The following SLC39A11 variants were observed in gnomAD, a reference collection of about 807,000 sequenced individuals.
The protein encoded by SLC39A11 is zinc transporter ZIP11.
SLC39A11 carries 33 observed loss-of-function variants against 36.1 expected under a neutral mutation model. The observed-to-expected ratio is 0.91, with a 90% CI of 0.69 to 1.22. SLC39A11 has a LOEUF of 1.22. Ranked by LOEUF, SLC39A11 falls within the 50% of genes most tolerant of loss-of-function variation. The probability of loss-of-function intolerance (pLI) is 0.00; values close to 1 mark genes in which losing one functional copy is unlikely to be tolerated. For missense variants in SLC39A11, 432 were observed against 430.3 expected, an observed-to-expected ratio of 1.00 and a Z score of -0.03; for synonymous variants, 166 against 170.3, an observed-to-expected ratio of 0.97 and a Z score of 0.20.
At chr17:72,853,779 C>T (rs970198118) in intron 5 of SLC39A11, among the ~76,000 whole-genome samples, 1 of 152,062 alleles carries the variant, frequency 6.6e-6, no homozygotes, top group African/African-American at 2.4e-5. Context: ...GAGTATGATG[C>T]GTCGTGAGCA....
chr17:72,718,568 A>G (rs912277012), intron 7 of SLC39A11, among the ~76,000 whole-genome samples: 4 of 152,214 alleles, frequency 2.6e-5, no homozygotes, highest in Admixed American at 1.3e-4. Context: ...AGAGTTTTGA[A>G]GACCTTGGGG....
Position 72,890,428 on chromosome 17 carries a change from C to T in SLC39A11, c.431-40624G>A, listed in dbSNP as rs183385248. Among the ~76,000 whole-genome samples, 7 of 152,166 alleles carry T rather than the reference C, an allele frequency of 4.6e-5. 1 individual carries two copies. The highest frequency in any genetic ancestry group is 3.9e-4 in the Admixed American group (6 of 15,280). On this transcript the variant is annotated intron_variant, in intron 5 of 9. Transcript: ENST00000255559. The stretch of plus-strand genomic sequence containing the variant: ...CATTTGTGAAGCAAAATCAGCAGGG[C>T]TTGGTAACTAAGTGGATTTGGGGGA...
intron 7 of SLC39A11, among the ~76,000 whole-genome samples, chr17:72,672,420 G>C (rs762810092): frequency 1.1e-4 from 17 of 152,318 alleles, no homozygotes; most frequent in Middle Eastern, 3.4e-3. Flanking sequence ...CTGCCCTCCA[G>C]CCTGGGTGAC....
At chr17:72,980,518 A>C (rs897106030) in intron 4 of SLC39A11, among the ~76,000 whole-genome samples, 1 of 152,190 alleles carries the variant, frequency 6.6e-6, no homozygotes, top group Non-Finnish European at 1.5e-5. Flanking sequence ...GTAAAAAAAA[A>C]TACCTAGACG....
At chr17:72,715,297 C>T (rs1358539978) in intron 7 of SLC39A11, among the ~76,000 whole-genome samples, 2 of 152,210 alleles carry the variant, frequency 1.3e-5, no homozygotes, top group Admixed American at 6.5e-5. Flanking sequence ...CCTCTTCTGG[C>T]CATATACCCC....
chr17:72,706,155 G>A (rs746182487), intron 7 of SLC39A11, among the ~76,000 whole-genome samples: 18 of 152,170 alleles, frequency 1.2e-4, no homozygotes, highest in Non-Finnish European at 2.1e-4. Flanking sequence ...GGGTGTCATC[G>A]TGTTTGTTTT....
chr17:73,080,823 T>A (rs887253085), intron 3 of SLC39A11, among the ~76,000 whole-genome samples: 2 of 152,086 alleles, frequency 1.3e-5, no homozygotes, highest in East Asian at 3.9e-4. Flanking sequence ...TGGGCGCCTG[T>A]AGTCCCAGCT....
At chr17:72,905,172 CAAAAAAAAAAAAAAAAAA>C (rs58702930) in intron 5 of SLC39A11, among the ~76,000 whole-genome samples, 2 of 42,902 alleles carry the variant, frequency 4.7e-5, no homozygotes, top group Non-Finnish European at 8.1e-5. Context: ...GACTCCATCT[CAAAAAAAAAAAAAAAAAA>C]AAAAAAAAGA....
intron 5 of SLC39A11, among the ~76,000 whole-genome samples, chr17:72,928,165 A>G (rs1366153845): frequency 6.6e-6 from 1 of 152,210 alleles, no homozygotes; most frequent in Non-Finnish European, 1.5e-5. Context: ...AAATAGCAGG[A>G]TGACTATTTG....
intron 6 of SLC39A11, among the ~76,000 whole-genome samples, chr17:72,757,634 G>A (rs1170684939): frequency 6.7e-6 from 1 of 149,828 alleles, no homozygotes; most frequent in Non-Finnish European, 1.5e-5. Context: ...TCTATTCTCT[G>A]TCTGGCACAT....
intron 4 of SLC39A11, among the ~76,000 whole-genome samples, chr17:72,991,600 C>CCCCCG (rs1285386285): frequency 5.4e-5 from 8 of 148,624 alleles, no homozygotes; most frequent in African/African-American, 1.8e-4. Flanking sequence ...CTCAGATAAT[C>CCCCCG]CCCCCGCCTT....
chr17:73,031,836 G>A (rs550762785), intron 3 of SLC39A11, 122 bp from the exon 4 acceptor site: 34 of 1,009,508 alleles, frequency 3.4e-5, no homozygotes, highest in African/African-American at 8.2e-5. Flanking sequence ...TCAGTCTTTC[G>A]TCCCAGGTTG....
chr17:72,842,461 C>T (rs2078860976), intron 6 of SLC39A11, among the ~76,000 whole-genome samples: 1 of 152,238 alleles, frequency 6.6e-6, no homozygotes, highest in South Asian at 2.1e-4. Flanking sequence ...TAACTTTCTC[C>T]CATACAAAGC....
At chr17:73,043,511 G>C (rs900694512) in intron 3 of SLC39A11, among the ~76,000 whole-genome samples, 9 of 152,200 alleles carry the variant, frequency 5.9e-5, no homozygotes, top group Middle Eastern at 3.2e-3. Context: ...CACACGTGAT[G>C]CTGCAGCAGC....
chr17:72,892,774 T>C (rs2146751559), intron 5 of SLC39A11, among the ~76,000 whole-genome samples: 1 of 152,304 alleles, frequency 6.6e-6, no homozygotes, highest in Admixed American at 6.5e-5. Context: ...CTGAAGTTTT[T>C]TAGAAAGAGT....
intron 5 of SLC39A11, among the ~76,000 whole-genome samples, chr17:72,923,248 C>A (rs1361940033): frequency 6.6e-6 from 1 of 152,070 alleles, no homozygotes; most frequent in Non-Finnish European, 1.5e-5. Flanking sequence ...CAGGGTTGGA[C>A]ATGTGAGTTG....
At chr17:72,937,409 T>C (rs537943461) in intron 5 of SLC39A11, among the ~76,000 whole-genome samples, 5 of 152,210 alleles carry the variant, frequency 3.3e-5, no homozygotes, top group African/African-American at 1.2e-4. Flanking sequence ...GAGCCGAGAT[T>C]GCGCCACTGC....
At chr17:72,765,056 T>C (rs910353368) in intron 6 of SLC39A11, among the ~76,000 whole-genome samples, 1 of 152,186 alleles carries the variant, frequency 6.6e-6, no homozygotes, top group Non-Finnish European at 1.5e-5. Flanking sequence ...AAACTACCTT[T>C]GTAAAGCTAG....
intron 4 of SLC39A11, among the ~76,000 whole-genome samples, chr17:72,992,689 T>C (rs1174350829): frequency 6.6e-6 from 1 of 152,222 alleles, no homozygotes; most frequent in Non-Finnish European, 1.5e-5. Context: ...TTATCACTAG[T>C]TGGCTACTCA....
Sources: allele counts gnomAD v4.1 joint callset (sites outside exome capture counted in the v4.1 genomes callset), GRCh38; gene constraint gnomAD v4.1.1; transcripts MANE v1.5; gene names NCBI Gene and HGNC (gene_info 2026-07-23, HGNC 2026-07-21).